The following SYN3 variants were observed in gnomAD, a reference collection of about 807,000 sequenced individuals.
SYN3 encodes synapsin-3.
SYN3 carries 35 observed loss-of-function variants against 65.8 expected under a neutral mutation model. The observed-to-expected ratio is 0.53, with a 90% CI of 0.41 to 0.70. The LOEUF (loss-of-function observed/expected upper bound fraction) is 0.70. SYN3 is among the 30% of genes least tolerant of loss of function. The pLI is 0.00. For missense variants in SYN3, 680 were observed against 749.0 expected (o/e 0.91, Z 1.08); for synonymous variants, 270 against 292.9 (o/e 0.92, Z 0.80).
chr22:32,578,340 A>G (rs2058885209), intron 7 of SYN3, among the ~76,000 whole-genome samples: 1 of 151,922 alleles, frequency 6.6e-6, no homozygotes, highest in Non-Finnish European at 1.5e-5. Flanking sequence ...TCAATCTCCC[A>G]TATTCAGGTG....
chr22:33,056,134 G>A (rs2054249869), intron 1 of SYN3, among the ~76,000 whole-genome samples: 1 of 152,106 alleles, frequency 6.6e-6, no homozygotes, highest in South Asian at 2.1e-4. Context: ...AGAAGAGAAT[G>A]TATATACATA....
chr22:33,031,655 C>T (rs1412266250), intron 1 of SYN3, among the ~76,000 whole-genome samples: 2 of 152,062 alleles, frequency 1.3e-5, no homozygotes, highest in African/African-American at 2.4e-5. Context: ...TTTTCCACAT[C>T]CGAGCTGTCC....
intron 6 of SYN3, among the ~76,000 whole-genome samples, chr22:32,782,395 C>A (rs2046089619): frequency 6.6e-6 from 1 of 151,532 alleles, no homozygotes; most frequent in Non-Finnish European, 1.5e-5. Context: ...AGACATGGGG[C>A]TTCACCATGA....
At chr22:32,790,104 G>A (rs2046286504) in intron 6 of SYN3, among the ~76,000 whole-genome samples, 2 of 152,220 alleles carry the variant, frequency 1.3e-5, no homozygotes, top group Admixed American at 6.5e-5. Context: ...TTAAGAAAAG[G>A]CAGTAGTAAG....
chr22:33,038,244 A>G (rs2053894758), intron 1 of SYN3, among the ~76,000 whole-genome samples: 1 of 152,220 alleles, frequency 6.6e-6, no homozygotes, highest in Admixed American at 6.5e-5. Context: ...CGCCATAGGC[A>G]GAGGGAAGCA....
intron 4 of SYN3, among the ~76,000 whole-genome samples, chr22:32,887,600 T>C (rs925269793): frequency 6.6e-6 from 1 of 152,196 alleles, no homozygotes; most frequent in African/African-American, 2.4e-5. Context: ...GCCCAGCCCC[T>C]GGCCCCCACA....
intron 6 of SYN3, among the ~76,000 whole-genome samples, chr22:32,689,617 T>C (rs2060636255): frequency 6.6e-6 from 1 of 152,154 alleles, no homozygotes; most frequent in African/African-American, 2.4e-5. Context: ...CAGCTTCTCT[T>C]TATTGGGCAC....
intron 12 of SYN3, among the ~76,000 whole-genome samples, chr22:32,523,630 C>T (rs2146107904): frequency 6.6e-6 from 1 of 152,312 alleles, no homozygotes. Flanking sequence ...CTTGGGCCTC[C>T]CTTTCCCCTA....
chr22:32,844,584 CAT>C (rs934214109), intron 6 of SYN3, among the ~76,000 whole-genome samples: 1 of 152,188 alleles, frequency 6.6e-6, no homozygotes, highest in African/African-American at 2.4e-5. Flanking sequence ...AAGAGGGCCC[CAT>C]ATATATTTAT....
intron 6 of SYN3, among the ~76,000 whole-genome samples, chr22:32,714,318 G>A (rs1481822531): frequency 1.3e-5 from 2 of 152,186 alleles, no homozygotes; most frequent in African/African-American, 4.8e-5. Flanking sequence ...CTTCCACTCT[G>A]TGGACCTCAG....
At chr22:32,778,032 A>G (rs1473803170) in intron 6 of SYN3, among the ~76,000 whole-genome samples, 3 of 152,192 alleles carry the variant, frequency 2.0e-5, no homozygotes, top group Admixed American at 2.0e-4. Context: ...GTTAGAATAG[A>G]GTCTGCCAGC....
intron 4 of SYN3, among the ~76,000 whole-genome samples, chr22:32,924,950 G>A (rs1026725223): frequency 6.6e-6 from 1 of 152,122 alleles, no homozygotes; most frequent in African/African-American, 2.4e-5. Context: ...AACTTAGGCA[G>A]GCATGGTGGC....
In SYN3 at chr22:32,769,861, C is replaced by T. The variant is rs1243998307; in HGVS notation, c.711+95054G>A. ...CTGTAGCACTCCTGGCTCTGCTCTT[C>T]TCTCTCCACACTCCCTCCCCTATTG... is the stretch of plus-strand genomic sequence containing the variant. On this transcript the variant is annotated intron_variant, in intron 6 of 13. Transcript: ENST00000358763. Among the ~76,000 whole-genome samples, 3 of 152,242 alleles carry T rather than the reference C, an allele frequency of 2.0e-5. No individual in the cohort carries two copies. In the East Asian group the frequency reaches 5.8e-4, roughly 29 times the overall value.
intron 7 of SYN3, among the ~76,000 whole-genome samples, chr22:32,574,894 C>A (rs2058829955): frequency 6.6e-6 from 1 of 152,220 alleles, no homozygotes; most frequent in African/African-American, 2.4e-5. Flanking sequence ...TTTCTATACC[C>A]TCCAAAATAA....
At chr22:32,727,514 A>G (rs1601997793) in intron 6 of SYN3, among the ~76,000 whole-genome samples, 1 of 152,190 alleles carries the variant, frequency 6.6e-6, no homozygotes, top group South Asian at 2.1e-4. Context: ...TACACCCAGT[A>G]ATGGGGTTGC....
intron 6 of SYN3, among the ~76,000 whole-genome samples, chr22:32,823,227 C>T (rs1443552974): frequency 2.6e-5 from 4 of 152,164 alleles, no homozygotes; most frequent in African/African-American, 9.7e-5. Flanking sequence ...CCTTCTGGCT[C>T]CTGGTGGGAC....
rs1332516639 is a variant in SYN3 at position 32,686,625 on chromosome 22, C to G, written c.712-89889G>C. 6.0e-5 allele frequency among the ~76,000 whole-genome samples: 8 copies of G among 133,218 alleles called. No individual in the cohort carries two copies. In the East Asian group the frequency reaches 8.7e-4, roughly 15 times the overall value. 87.4% of individuals were successfully genotyped at this position (133,218 alleles called of 152,430 possible). A position where few individuals can be genotyped will look rare whatever the true frequency, so the allele number is the denominator to read the frequency against. ...TTTTTTTTTTTTTTTGAGACAGTCT[C>G]GCTCTGCTGCATCTGGGCTGGAGTG... is the stretch of plus-strand genomic sequence containing the variant. On this transcript the variant is annotated intron_variant, in intron 6 of 13. Transcript: ENST00000358763.
intron 6 of SYN3, among the ~76,000 whole-genome samples, chr22:32,827,311 A>G (rs1281507386): frequency 1.3e-5 from 2 of 152,184 alleles, no homozygotes; most frequent in East Asian, 3.8e-4. Flanking sequence ...CAGTTTAAAT[A>G]TGTGAATTCA....
chr22:32,892,744 C>T (rs2146484098), intron 4 of SYN3, among the ~76,000 whole-genome samples: 1 of 152,238 alleles, frequency 6.6e-6, no homozygotes, highest in South Asian at 2.1e-4. Context: ...TGCTGTAGGT[C>T]TTAGCAAGGG....
Sources: gnomAD v4.1 joint callset for allele counts (sites outside exome capture counted in the v4.1 genomes callset) on GRCh38, gnomAD v4.1.1 for gene constraint, MANE v1.5 for transcripts, NCBI Gene and HGNC (gene_info 2026-07-23, HGNC 2026-07-21) for gene names.